The following ABITRAM variants were observed in gnomAD, a reference collection of about 807,000 sequenced individuals.
ABITRAM encodes the protein actin binding transcription modulator, also known as protein Abitram.
A neutral mutation model predicts 22.9 loss-of-function variants in ABITRAM; 19 were observed. That is an observed-to-expected ratio of 0.83 (90% confidence interval 0.58 to 1.22). The LOEUF (loss-of-function observed/expected upper bound fraction) is 1.22, where lower values mean the gene tolerates loss of function less well. Ranked by LOEUF, ABITRAM falls within the 50% of genes most tolerant of loss-of-function variation. The pLI, the probability that ABITRAM is intolerant of heterozygous loss-of-function variation, is 0.00. For synonymous variants in ABITRAM, 70 were observed against 73.9 expected (o/e 0.95, Z 0.27); for missense variants, 215 against 220.2 (o/e 0.98, Z 0.15).
Position 108,935,663 on chromosome 9 carries a change from C to T in ABITRAM, c.105C>T (p.Asp35=). 1.2e-6 allele frequency: 2 copies of T among 1,613,416 alleles called. No homozygotes were observed. The highest frequency in any genetic ancestry group is 1.3e-5 in the African/African-American group (1 of 74,994). ...KPDVKGKFCE[D]HCILQHSNRI... is the part of the protein sequence containing the mutation. The stretch of plus-strand genomic sequence containing the variant: ...ATGTCAAAGGAAAATTTTGTGAGGA[C>T]CACTGTATACTACAGCACTCTAACC... Residue 35 remains aspartate, a synonymous_variant, in exon 2 of 6, where the codon GAC becomes GAT. Coordinates refer to ENST00000322940, the MANE Select transcript of ABITRAM (RefSeq NM_017832.4).
chr9:108,939,401 T>A lies in ABITRAM; in HGVS notation c.355T>A (p.Leu119Met), dbSNP rs1442777497. 2.5e-6 allele frequency: 4 copies of A among 1,610,034 alleles called. No homozygotes were observed. The highest frequency in any genetic ancestry group is 2.2e-5 in the East Asian group (1 of 44,872). ...TTTTAATAGTTGTGTTAGAGGACGTTTGATGGAAGTGAATGAAAACATCCT... is the reference window on the plus strand; with the variant it reads ...TTTTAATAGTTGTGTTAGAGGACGTATGATGGAAGTGAATGAAAACATCCT... ...YTVSSCVRGR[L>M]MEVNENILHK... The change falls in exon 5 of 6, where the codon TTG becomes ATG. Residue 119 changes from leucine (L) to methionine (M), a missense_variant. Leu to Met is a conservative substitution (Grantham distance 15, BLOSUM62 2). Transcript: ENST00000322940.
Position 108,939,797 on chromosome 9 carries a change from T to G in ABITRAM, c.*111T>G, listed in dbSNP as rs1196227324. Reference sequence around the variant, plus strand: ...GTAAAGCATACCTAACAGCCAGCCATATGCAGGGGAGGCCTAGTGCTTCAC... The same window carrying G: ...GTAAAGCATACCTAACAGCCAGCCAGATGCAGGGGAGGCCTAGTGCTTCAC... On this transcript the variant is annotated 3_prime_UTR_variant, in exon 6 of 6. Coordinates refer to ENST00000322940, the MANE Select transcript of ABITRAM (RefSeq NM_017832.4). The G allele has an allele frequency of 3.9e-6, 5 of 1,276,606 alleles. No individual in the cohort carries two copies. Among genetic ancestry groups the G allele is most frequent in the Non-Finnish European group, 5.4e-6 (5 of 920,324 alleles). 79.1% of individuals were successfully genotyped at this position (1,276,606 alleles called of 1,614,324 possible).
chr9:108,943,588 C>A, downstream of ABITRAM: 1 of 756,124 alleles, frequency 1.3e-6, no homozygotes, highest in Admixed American at 3.1e-5. Flanking sequence ...GTAGACAAGG[C>A]ATGAAAAAAG....
downstream of ABITRAM, chr9:108,944,104 G>C (rs971901018): frequency 1.5e-6 from 2 of 1,300,226 alleles, no homozygotes; most frequent in Admixed American, 2.3e-5. Context: ...TTTTTACGTA[G>C]AATTTTAAAA....
At chr9:108,944,844 C>T (rs1438586024), downstream of ABITRAM, among the ~76,000 whole-genome samples, 1 of 152,132 alleles carries the variant, frequency 6.6e-6, no homozygotes, top group East Asian at 1.9e-4. Context: ...TTTTTACCCT[C>T]TATTCAAAAG....
chr9:108,934,452 C>CCCGGAGGGCGGGGGTGGCGGCG lies in ABITRAM; in HGVS notation c.-27_-6dup. ...GGCTGCGCGGAGGAAGCGCTGGGGTCCCGGAGGGCGGGGGTGGCGGCGCCG... is the reference window on the plus strand; with the variant it reads ...GGCTGCGCGGAGGAAGCGCTGGGGTCCCGGAGGGCGGGGGTGGCGGCGCCGGAGGGCGGGGGTGGCGGCGCCG... On this transcript the variant is annotated 5_prime_UTR_variant, in exon 1 of 6. Transcript: ENST00000322940. 6.4e-7 allele frequency: 1 copy of CCCGGAGGGCGGGGGTGGCGGCG among 1,566,684 alleles called. No homozygotes were observed. Among genetic ancestry groups the CCCGGAGGGCGGGGGTGGCGGCG allele is most frequent in the South Asian group, 1.2e-5 (1 of 86,172 alleles).
At chr9:108,936,940 A>T (rs539232872) in intron 3 of ABITRAM, among the ~76,000 whole-genome samples, 3 of 152,228 alleles carry the variant, frequency 2.0e-5, no homozygotes, top group Admixed American at 2.0e-4. Context: ...AGGTGGGTGG[A>T]TCATGAGGTC....
intron 3 of ABITRAM, among the ~76,000 whole-genome samples, chr9:108,937,905 A>G (rs1360776786): frequency 6.6e-6 from 1 of 151,562 alleles, no homozygotes; most frequent in Non-Finnish European, 1.5e-5. Flanking sequence ...GGCTGAGGTA[A>G]GAGGATTGCT....
downstream of ABITRAM, among the ~76,000 whole-genome samples, chr9:108,945,614 A>G (rs1587939359): frequency 7.0e-6 from 1 of 142,944 alleles, no homozygotes; most frequent in African/African-American, 2.6e-5. Context: ...GGTGTGTGCC[A>G]CCATGCCCCG....
In ABITRAM at chr9:108,936,372, A is replaced by G; in HGVS notation, c.196A>G (p.Ile66Val). 1 of 1,614,036 alleles carries G rather than the reference A, an allele frequency of 6.2e-7. No homozygotes were observed. Among genetic ancestry groups the G allele is most frequent in the Non-Finnish European group, 8.5e-7 (1 of 1,179,960 alleles). Residue 66 changes from isoleucine (I) to valine (V), a missense_variant, in exon 3 of 6, where the codon ATT (isoleucine) becomes GTT (valine). By Grantham distance (29) the Ile-to-Val change is conservative (BLOSUM62 3). Transcript: ENST00000322940. ...TCAAAGTGGAAAAACAATTAAAAGC[A>G]TTTCCTATCAGATCAGTACCAACTG... ...VLQSGKTIKS[I>V]SYQISTNCSR...
At chr9:108,943,178 G>T, downstream of ABITRAM, 1 of 812,344 alleles carries the variant, frequency 1.2e-6, no homozygotes, top group Non-Finnish European at 1.9e-6. Flanking sequence ...ATGGATTTAG[G>T]CACATGAGCT....
At chr9:108,938,714 TCC>T (rs1210436813) in intron 3 of ABITRAM, among the ~76,000 whole-genome samples, 1 of 148,498 alleles carries the variant, frequency 6.7e-6, no homozygotes, top group Non-Finnish European at 1.5e-5. Context: ...AAGAACAATA[TCC>T]CTTCTTCAAA....
Position 108,940,711 on chromosome 9 carries a change from T to C in ABITRAM, c.*1025T>C, listed in dbSNP as rs1169697911. 6.6e-6 allele frequency: 1 copy of C among 152,152 alleles called. No homozygotes were observed. The highest frequency in any genetic ancestry group is 1.5e-5 in the Non-Finnish European group (1 of 68,034). The allele number at this position is 152,152 out of a possible 1,614,324, so 9.4% of individuals were successfully genotyped here. On this transcript the variant is annotated 3_prime_UTR_variant, in exon 6 of 6. Coordinates refer to ENST00000322940, the MANE Select transcript of ABITRAM (RefSeq NM_017832.4). Reference sequence around the variant, plus strand: ...TATAGTTACTCAGTCTCACATACTCTAGTTACTGGCAAAGAAGTTACTGAG... The same window carrying C: ...TATAGTTACTCAGTCTCACATACTCCAGTTACTGGCAAAGAAGTTACTGAG...
chr9:108,942,658 ATT>A (rs1416011375), downstream of ABITRAM: 18 of 790,616 alleles, frequency 2.3e-5, no homozygotes, highest in Non-Finnish European at 2.9e-5. Flanking sequence ...AAATTTCAAT[ATT>A]GTTTTCTTTA....
chr9:108,950,197 A>T (rs1245083814), intron 3 of ABITRAM, among the ~76,000 whole-genome samples: 2 of 152,226 alleles, frequency 1.3e-5, no homozygotes, highest in Non-Finnish European at 2.9e-5. Context: ...GATTCCAGCC[A>T]AAAGCTGAGA....
intron 3 of ABITRAM, among the ~76,000 whole-genome samples, chr9:108,947,310 C>T (rs1830436778): frequency 6.6e-6 from 1 of 151,988 alleles, no homozygotes; most frequent in South Asian, 2.1e-4. Flanking sequence ...AGACAGGGTT[C>T]CACCGTGTTA....
intron 1 of ABITRAM, 77 bp from the exon 2 acceptor site, chr9:108,935,561 A>G (rs1464588328): frequency 1.7e-6 from 2 of 1,144,188 alleles, no homozygotes; most frequent in Non-Finnish European, 2.6e-6. Context: ...ATTATCAACT[A>G]TATGACCCAA....
intron 2 of ABITRAM, 60 bp from the exon 3 acceptor site, chr9:108,936,248 A>C: frequency 6.4e-7 from 1 of 1,571,106 alleles, no homozygotes; most frequent in Non-Finnish European, 8.6e-7. Context: ...TTCCAATAGG[A>C]GTTATGGGAG....
chr9:108,945,564 C>T (rs1052159855), downstream of ABITRAM, among the ~76,000 whole-genome samples: 3 of 150,536 alleles, frequency 2.0e-5, no homozygotes, highest in African/African-American at 4.9e-5. Context: ...CAGGCTCAAG[C>T]GATCCTCCTG....
Sources: gnomAD v4.1 joint callset for allele counts (sites outside exome capture counted in the v4.1 genomes callset) on GRCh38, gnomAD v4.1.1 for gene constraint, MANE v1.5 for transcripts, NCBI Gene and HGNC (gene_info 2026-07-23, HGNC 2026-07-21) for gene names.